Variants in BMAL1 observed in about 807,000 individuals in gnomAD.
The protein encoded by BMAL1 is basic helix-loop-helix ARNT like 1, also known as basic helix-loop-helix ARNT-like protein 1.
At chr11:13,277,379 A>T in the BMAL1 span, among the ~76,000 whole-genome samples, 3 of 152,092 alleles carry the variant, frequency 2.0e-5, 1 homozygote, top group South Asian at 6.2e-4. Context: ...TGGGCACCGC[A>T]GTGGCCGCGG....
chr11:13,296,985 C>T, the BMAL1 span, among the ~76,000 whole-genome samples: 6 of 152,312 alleles, frequency 3.9e-5, no homozygotes, highest in Admixed American at 6.5e-5. Context: ...CTCAGGGTGC[C>T]AGGGCTCCCA....
At chr11:13,325,361 A>G in the BMAL1 span, among the ~76,000 whole-genome samples, 1,006 of 152,322 alleles carry the variant, frequency 6.6e-3, 6 homozygotes, top group Non-Finnish European at 0.012. Flanking sequence ...TCCAAGCCAC[A>G]CTAAGTCATT....
chr11:13,364,214 T>G, the BMAL1 span, among the ~76,000 whole-genome samples: 2 of 152,228 alleles, frequency 1.3e-5, no homozygotes, highest in African/African-American at 4.8e-5. Flanking sequence ...GGAAAGTTAC[T>G]TCCCCCTCAC....
the BMAL1 span, chr11:13,369,596 C>T: frequency 6.2e-7 from 1 of 1,613,560 alleles, no homozygotes; most frequent in Admixed American, 1.7e-5. Flanking sequence ...CAGTTTATCA[C>T]ATTTTGTGTA....
the BMAL1 span, chr11:13,354,379 T>C: frequency 6.2e-7 from 1 of 1,614,198 alleles, no homozygotes; most frequent in Non-Finnish European, 8.5e-7. Context: ...ACCGACCTGC[T>C]TTCCAGCTCT....
At chr11:13,357,209 A>G in the BMAL1 span, 2 of 1,460,866 alleles carry the variant, frequency 1.4e-6, no homozygotes, top group Non-Finnish European at 1.9e-6. This position sits in a 1 kb window ranked among gnomAD's most constrained non-coding sequence, Gnocchi z 4.8. Flanking sequence ...GGGCACTGTC[A>G]CCTCCTTAGG....
At chr11:13,287,242 T>G in the BMAL1 span, among the ~76,000 whole-genome samples, 1 of 152,210 alleles carries the variant, frequency 6.6e-6, no homozygotes, top group Admixed American at 6.5e-5. Context: ...ACTTCCCCAG[T>G]GCATTCTAGG....
At chr11:13,368,044 TC>T in the BMAL1 span, among the ~76,000 whole-genome samples, 1 of 152,248 alleles carries the variant, frequency 6.6e-6, no homozygotes, top group African/African-American at 2.4e-5. Flanking sequence ...CACCGCTTGT[TC>T]CTAAAAGTAA....
At chr11:13,369,900 C>T in the BMAL1 span, 37 of 1,110,248 alleles carry the variant, frequency 3.3e-5, no homozygotes, top group South Asian at 5.6e-4. Context: ...CAGACAGGAC[C>T]CTGCAGTCCT....
At chr11:13,333,626 G>A in the BMAL1 span, among the ~76,000 whole-genome samples, 2 of 152,238 alleles carry the variant, frequency 1.3e-5, no homozygotes, top group African/African-American at 4.8e-5. Flanking sequence ...CCACCCGCCA[G>A]TGCAGGAGGA....
At chr11:13,334,661 G>A in the BMAL1 span, among the ~76,000 whole-genome samples, 1 of 152,090 alleles carries the variant, frequency 6.6e-6, no homozygotes, top group African/African-American at 2.4e-5. Flanking sequence ...ATCTCTTCAA[G>A]TGCCTAATCC....
At chr11:13,357,084 T>C in the BMAL1 span, 1 of 1,614,090 alleles carries the variant, frequency 6.2e-7, no homozygotes, top group African/African-American at 1.3e-5. This position sits in a 1 kb window ranked among gnomAD's most constrained non-coding sequence, Gnocchi z 4.8. Flanking sequence ...CAAGGAAGGA[T>C]AAAAAATGCA....
the BMAL1 span, among the ~76,000 whole-genome samples, chr11:13,299,587 A>G: frequency 6.6e-6 from 1 of 152,122 alleles, no homozygotes; most frequent in Admixed American, 6.5e-5. Context: ...GGAGGGGTCC[A>G]CACTGGGGAT....
chr11:13,290,264 A>G, the BMAL1 span, among the ~76,000 whole-genome samples: 1 of 152,212 alleles, frequency 6.6e-6, no homozygotes, highest in African/African-American at 2.4e-5. Context: ...AAGCCTGGGC[A>G]TGGACGGAAA....
At chr11:13,317,843 G>A in the BMAL1 span, among the ~76,000 whole-genome samples, 5 of 152,266 alleles carry the variant, frequency 3.3e-5, no homozygotes, top group South Asian at 2.1e-4. Context: ...TAAAAAATAC[G>A]TAGATACTTT....
the BMAL1 span, among the ~76,000 whole-genome samples, chr11:13,318,979 T>C: frequency 2.0e-5 from 3 of 152,184 alleles, no homozygotes; most frequent in African/African-American, 7.2e-5. Flanking sequence ...ATAAGCACTT[T>C]TGAGAGTTTG....
the BMAL1 span, among the ~76,000 whole-genome samples, chr11:13,288,894 G>A: frequency 1.3e-5 from 2 of 152,242 alleles, no homozygotes; most frequent in African/African-American, 4.8e-5. Flanking sequence ...GCACTGTACT[G>A]TGACCAAGAT....
At chr11:13,306,252 G>A in the BMAL1 span, among the ~76,000 whole-genome samples, 2 of 152,074 alleles carry the variant, frequency 1.3e-5, no homozygotes, top group East Asian at 3.9e-4. Context: ...CAGTGGGAGG[G>A]GGATGGGAAG....
the BMAL1 span, among the ~76,000 whole-genome samples, chr11:13,362,118 A>G: frequency 1.3e-5 from 2 of 152,306 alleles, no homozygotes; most frequent in Middle Eastern, 3.4e-3. Flanking sequence ...CACTTTCCAG[A>G]GCCACATGCA....
Sources: allele counts gnomAD v4.1 joint callset (sites outside exome capture counted in the v4.1 genomes callset), GRCh38; gene constraint gnomAD v4.1.1; non-coding constraint Gnocchi (gnomAD v3.1); transcripts MANE v1.5; gene names NCBI Gene and HGNC (gene_info 2026-07-23, HGNC 2026-07-21).